The following CPXM2 variants were observed in gnomAD, a reference collection of about 807,000 sequenced individuals.
CPXM2 encodes inactive carboxypeptidase-like protein X2.
A neutral mutation model predicts 86.1 loss-of-function variants in CPXM2; 66 were observed. The observed-to-expected ratio is 0.77, with a 90% CI of 0.63 to 0.94. CPXM2 has a LOEUF of 0.94. Ranked by LOEUF, CPXM2 falls within the 40% of genes least tolerant of loss-of-function variation. CPXM2 has a pLI of 0.00. For missense variants in CPXM2, 948 were observed against 1,026.3 expected, an observed-to-expected ratio of 0.92 and a Z score of 1.04; for synonymous variants, 388 against 400.2, an observed-to-expected ratio of 0.97 and a Z score of 0.36.
chr10:123,866,905 C>G (rs934246691), intron 2 of CPXM2, among the ~76,000 whole-genome samples: 6 of 152,174 alleles, frequency 3.9e-5, no homozygotes, highest in African/African-American at 1.4e-4. Flanking sequence ...TTATTTTTCC[C>G]TTTGATAGCC....
intron 4 of CPXM2, among the ~76,000 whole-genome samples, chr10:123,805,668 T>C (rs1359282691): frequency 6.6e-6 from 1 of 152,184 alleles, no homozygotes; most frequent in Non-Finnish European, 1.5e-5. Flanking sequence ...CAATATCGGC[T>C]CTGTAATTGT....
intron 6 of CPXM2, among the ~76,000 whole-genome samples, chr10:123,793,681 T>G (rs1795747090): frequency 6.6e-6 from 1 of 152,040 alleles, no homozygotes; most frequent in South Asian, 2.1e-4. Context: ...GACATCACCC[T>G]CAGCAAAAGG....
chr10:123,762,135 A>G lies in CPXM2; in HGVS notation c.1514T>C (p.Met505Thr), dbSNP rs751593437. ...AAETRAVIAW[M>T]EKIPFVLGGN... ...GCCCAGCACAAAAGGGATTTTTTCC[A>G]TCCAGGCTATGACTGCTCTGGTCTC... Residue 505 changes from methionine (M) to threonine (T), a missense_variant, in exon 11 of 14, where the codon ATG (methionine) becomes ACG (threonine). Met to Thr is a moderately conservative substitution (Grantham distance 81, BLOSUM62 -1). Transcript: ENST00000241305. The G allele has an allele frequency of 1.2e-6, 2 of 1,614,126 alleles. No homozygotes were observed. The highest frequency in any genetic ancestry group is 1.7e-6 in the Non-Finnish European group (2 of 1,180,028).
chr10:123,903,037 G>A (rs1945398582), intron 2 of CPXM2, among the ~76,000 whole-genome samples: 1 of 152,146 alleles, frequency 6.6e-6, no homozygotes, highest in South Asian at 2.1e-4. Flanking sequence ...CTTGCACATC[G>A]AAGCCCAACT....
intron 13 of CPXM2, chr10:123,750,539 A>G: frequency 1.0e-6 from 1 of 984,972 alleles, no homozygotes; most frequent in Non-Finnish European, 1.2e-6. Context: ...ATATCACTTA[A>G]TTTATTTTTT....
intron 10 of CPXM2, among the ~76,000 whole-genome samples, chr10:123,765,526 C>G (rs1219742): frequency 2.6e-5 from 4 of 152,078 alleles, no homozygotes; most frequent in Non-Finnish European, 5.9e-5. Flanking sequence ...TAACATAGCT[C>G]GAATTCTCAA....
chr10:123,905,212 G>A lies in CPXM2; in HGVS notation n.175-24903C>T, dbSNP rs528313705. Reference sequence around the variant, plus strand: ...GGAAAAAGAGGAAATGAAGAGAAAAGAATGAACCCCGCCACACAGCCTGGG... The same window carrying A: ...GGAAAAAGAGGAAATGAAGAGAAAAAAATGAACCCCGCCACACAGCCTGGG... On this transcript the variant is annotated intron_variant and non_coding_transcript_variant, in intron 2 of 19. Transcript: ENST00000368854. 4.2e-3 allele frequency among the ~76,000 whole-genome samples: 645 copies of A among 152,340 alleles called. 1 individual carries two copies. Among genetic ancestry groups the A allele is most frequent in the Non-Finnish European group, 7.9e-3 (538 of 68,026 alleles).
chr10:123,856,616 G>A (rs1370170029), intron 3 of CPXM2, among the ~76,000 whole-genome samples: 1 of 151,756 alleles, frequency 6.6e-6, no homozygotes, highest in Non-Finnish European at 1.5e-5. Context: ...TTTTGAGACA[G>A]AGTCTCATCC....
chr10:123,759,519 G>A (rs536027272), intron 11 of CPXM2, among the ~76,000 whole-genome samples: 20 of 152,104 alleles, frequency 1.3e-4, no homozygotes, highest in Admixed American at 7.2e-4. Flanking sequence ...AGAGTGTATC[G>A]CCTTGCTGAG....
At chr10:123,830,357 T>C (rs1168598838) in intron 4 of CPXM2, among the ~76,000 whole-genome samples, 1 of 152,050 alleles carries the variant, frequency 6.6e-6, no homozygotes, top group African/African-American at 2.4e-5. Flanking sequence ...GGTTAGACCT[T>C]CTCCCTCCAA....
At chr10:123,790,546 C>T (rs1398259725) in intron 6 of CPXM2, among the ~76,000 whole-genome samples, 1 of 152,162 alleles carries the variant, frequency 6.6e-6, no homozygotes, top group Non-Finnish European at 1.5e-5. Flanking sequence ...TACTGACATA[C>T]TGATTCTTTG....
intron 2 of CPXM2, among the ~76,000 whole-genome samples, chr10:123,929,430 C>A (rs1419661108): frequency 6.6e-6 from 1 of 152,184 alleles, no homozygotes; most frequent in Non-Finnish European, 1.5e-5. Flanking sequence ...TCCCTCCAGT[C>A]TTTGACAAAA....
At position 123,881,245 on chromosome 10, in the gene CPXM2, T is replaced by TCCCTCCCCTC. The variant is rs1564811112; in HGVS notation, c.305-937_305-936insGAGGGGAGGG. Among the ~76,000 whole-genome samples, 6 of 51,530 alleles carry TCCCTCCCCTC rather than the reference T, an allele frequency of 1.2e-4. 1 individual carries two copies. Among genetic ancestry groups the TCCCTCCCCTC allele is most frequent in the African/African-American group, 8.4e-4 (6 of 7,168 alleles). The allele number at this position is 51,530 out of a possible 152,430, so 33.8% of individuals were successfully genotyped here. On this transcript the variant is annotated intron_variant, in intron 1 of 13. Transcript: ENST00000241305. Reference sequence around the variant, plus strand: ...GGAGCACCCTTCTCTTCCCTTCCCTTCCCTTCCCTTCCCTTCCCTTTACGC... The same window carrying TCCCTCCCCTC: ...GGAGCACCCTTCTCTTCCCTTCCCTTCCCTCCCCTCCCCTTCCCTTCCCTTCCCTTTACGC...
At chr10:123,796,385 T>C (rs1023158400) in intron 6 of CPXM2, among the ~76,000 whole-genome samples, 47 of 152,294 alleles carry the variant, frequency 3.1e-4, no homozygotes, top group African/African-American at 9.9e-4. Context: ...ATTGAAAACA[T>C]GGCATTTTTT....
At chr10:123,910,214 C>A (rs570477421) in intron 2 of CPXM2, among the ~76,000 whole-genome samples, 2 of 152,222 alleles carry the variant, frequency 1.3e-5, no homozygotes, top group East Asian at 3.8e-4. Flanking sequence ...TTTGGTTGCT[C>A]ACCCATGCCA....
rs531863235 is a variant in CPXM2, at chr10:123,932,475, A to G, written n.174+7002T>C. ...GACAGTTCTAAGACACATTCCATAG[A>G]TTTCCCAGAAAGTCTGCAAAGTCAG... On this transcript the variant is annotated intron_variant and non_coding_transcript_variant, in intron 2 of 19. Transcript: ENST00000368854. 1.8e-3 allele frequency among the ~76,000 whole-genome samples: 273 copies of G among 152,304 alleles called. 1 individual carries two copies. The highest frequency in any genetic ancestry group is 5.4e-3 in the African/African-American group (224 of 41,564).
At chr10:123,928,510 G>A (rs1000565802) in intron 2 of CPXM2, among the ~76,000 whole-genome samples, 1 of 152,102 alleles carries the variant, frequency 6.6e-6, no homozygotes, top group Non-Finnish European at 1.5e-5. Context: ...CCCTCCCCTT[G>A]ATCCTATGTT....
At chr10:123,884,604 G>C (rs925035877) in intron 1 of CPXM2, among the ~76,000 whole-genome samples, 14 of 152,172 alleles carry the variant, frequency 9.2e-5, no homozygotes, top group African/African-American at 1.4e-4. Flanking sequence ...GGGAGCCCGG[G>C]GGGAGGCTGT....
At chr10:123,851,600 T>C (rs1224734841) in intron 3 of CPXM2, among the ~76,000 whole-genome samples, 1 of 151,832 alleles carries the variant, frequency 6.6e-6, no homozygotes, top group Non-Finnish European at 1.5e-5. Flanking sequence ...AAACCCCAGC[T>C]CTACTAAAAA....
Sources: allele counts gnomAD v4.1 joint callset (sites outside exome capture counted in the v4.1 genomes callset), GRCh38; gene constraint gnomAD v4.1.1; transcripts MANE v1.5; gene names NCBI Gene and HGNC (gene_info 2026-07-23, HGNC 2026-07-21).